The following GLG1 variants were observed in gnomAD, a reference collection of about 807,000 sequenced individuals.
GLG1 encodes Golgi apparatus protein 1.
GLG1 carries 38 observed loss-of-function variants against 160.5 expected under a neutral mutation model. That is an observed-to-expected ratio of 0.24 (90% CI 0.18 to 0.31). The LOEUF is 0.31. Among genes scored for constraint, GLG1 ranks in the 10% least tolerant of loss-of-function variants. The pLI, the probability that GLG1 is intolerant of heterozygous loss-of-function variation, is 1.00. For synonymous variants in GLG1, 644 were observed against 543.4 expected (o/e 1.19, Z -2.57); for missense variants, 1,373 against 1,505.2 (o/e 0.91, Z 1.45).
chr16:74,526,664 G>C lies in GLG1; in HGVS notation c.471+5457C>G, dbSNP rs375145936. ...ACTTGAGCCTGGGAGACTGAAGCTG[G>C]AGTGAGCCGTGATCACACAACTACA... is the stretch of plus-strand genomic sequence containing the variant. On this transcript the variant is annotated intron_variant, in intron 2 of 25. Transcript: ENST00000422840. 1.1e-3 allele frequency among the ~76,000 whole-genome samples: 171 copies of C among 152,316 alleles called. 3 individuals carry two copies. In the South Asian group the frequency reaches 0.034, roughly 30 times the overall value.
chr16:74,575,531 T>G (rs1366859852), intron 1 of GLG1, among the ~76,000 whole-genome samples: 1 of 152,124 alleles, frequency 6.6e-6, no homozygotes, highest in African/African-American at 2.4e-5. Context: ...ATATTAGAAC[T>G]CAACCAAACC....
chr16:74,572,009 G>A (rs971401531), intron 1 of GLG1, among the ~76,000 whole-genome samples: 1 of 152,046 alleles, frequency 6.6e-6, no homozygotes, highest in Non-Finnish European at 1.5e-5. Flanking sequence ...TCTTTTGCAT[G>A]CTACTGAATG....
intron 8 of GLG1, among the ~76,000 whole-genome samples, chr16:74,487,811 A>G (rs184674620): frequency 6.6e-6 from 1 of 152,192 alleles, no homozygotes. Context: ...TGCCCTCTAG[A>G]GCCTAGTGGG....
chr16:74,522,620 G>GTT (rs2017203977), intron 2 of GLG1, among the ~76,000 whole-genome samples: 1 of 151,954 alleles, frequency 6.6e-6, no homozygotes, highest in South Asian at 2.1e-4. Flanking sequence ...ACTGTCAGAC[G>GTT]TATGTATTAT....
intron 8 of GLG1, among the ~76,000 whole-genome samples, chr16:74,488,824 G>T (rs1007281081): frequency 4.6e-5 from 7 of 151,948 alleles, no homozygotes; most frequent in Admixed American, 3.3e-4. Flanking sequence ...TCACCATGTT[G>T]GCCAGGCTGG....
intron 2 of GLG1, among the ~76,000 whole-genome samples, chr16:74,525,111 T>C (rs2017293839): frequency 6.6e-6 from 1 of 152,228 alleles, no homozygotes; most frequent in African/African-American, 2.4e-5. Flanking sequence ...CTATGAACAC[T>C]TATGTACACA....
chr16:74,574,702 G>T (rs2143795110), intron 1 of GLG1, among the ~76,000 whole-genome samples: 1 of 151,280 alleles, frequency 6.6e-6, no homozygotes, highest in Non-Finnish European at 1.5e-5. Context: ...GGCCAACACG[G>T]TAAAATGCCA....
chr16:74,569,481 G>A (rs894570777), intron 1 of GLG1, among the ~76,000 whole-genome samples: 1 of 152,066 alleles, frequency 6.6e-6, no homozygotes, highest in African/African-American at 2.4e-5. Context: ...CATCCACCTC[G>A]TAAATACTGA....
intron 13 of GLG1, 97 bp downstream of exon 13, chr16:74,474,449 C>G (rs1228118833): frequency 1.4e-6 from 1 of 721,714 alleles, no homozygotes; most frequent in African/African-American, 1.8e-5. Flanking sequence ...GACAGAAAAT[C>G]TGCACTCTCA....
At chr16:74,602,974 A>G (rs1823748663) in intron 1 of GLG1, among the ~76,000 whole-genome samples, 1 of 151,260 alleles carries the variant, frequency 6.6e-6, no homozygotes, top group African/African-American at 2.4e-5. Flanking sequence ...CAGCCTGGCC[A>G]AGGTGATGAA....
At chr16:74,592,879 C>T (rs1043336452) in intron 1 of GLG1, among the ~76,000 whole-genome samples, 2 of 152,050 alleles carry the variant, frequency 1.3e-5, no homozygotes, top group South Asian at 2.1e-4. Flanking sequence ...AACTTAATCC[C>T]CAATACAAGT....
chr16:74,571,002 A>G (rs1269595847), intron 1 of GLG1, among the ~76,000 whole-genome samples: 1 of 151,520 alleles, frequency 6.6e-6, no homozygotes, highest in African/African-American at 2.4e-5. Flanking sequence ...TAACCTTTTG[A>G]ATCTGGGCAT....
chr16:74,504,822 G>T (rs934237438), intron 3 of GLG1, among the ~76,000 whole-genome samples: 20 of 152,202 alleles, frequency 1.3e-4, no homozygotes, highest in African/African-American at 3.4e-4. Flanking sequence ...GCATGGTGGT[G>T]TTCCTGCAAA....
chr16:74,495,174 C>T, intron 5 of GLG1, among the ~76,000 whole-genome samples: 1 of 143,542 alleles, frequency 7.0e-6, no homozygotes, highest in East Asian at 2.1e-4. Flanking sequence ...AGTGCAGTGG[C>T]ACAATCTTAG....
At chr16:74,562,509 G>T (rs769864002) in intron 1 of GLG1, among the ~76,000 whole-genome samples, 2 of 152,122 alleles carry the variant, frequency 1.3e-5, no homozygotes, top group South Asian at 4.1e-4. Context: ...GCCCAGGCTG[G>T]AGAGCAGTGG....
Position 74,463,375 on chromosome 16 carries a change from G to C in GLG1, c.2772C>G (p.Arg924=). 1 of 1,614,084 alleles carries C rather than the reference G, an allele frequency of 6.2e-7. No homozygotes were observed. The highest frequency in any genetic ancestry group is 8.5e-7 in the Non-Finnish European group (1 of 1,179,996). ...DPKCKQMITK[R]QITQNTDYRL... Reference sequence around the variant, plus strand: ...TCTTACCTGTGTTCTGGGTGATCTGGCGCTTGGTTATCATCTGTTTGCATT... The same window carrying C: ...TCTTACCTGTGTTCTGGGTGATCTGCCGCTTGGTTATCATCTGTTTGCATT... The change falls in exon 20 of 26, where the codon CGC becomes CGG. Residue 924 remains arginine, a synonymous_variant. Coordinates refer to ENST00000422840, the MANE Select transcript of GLG1 (RefSeq NM_001145667.2).
chr16:74,536,880 A>G (rs2017701600), intron 1 of GLG1, among the ~76,000 whole-genome samples: 1 of 152,162 alleles, frequency 6.6e-6, no homozygotes, highest in Non-Finnish European at 1.5e-5. Flanking sequence ...AACCAGGGGC[A>G]AAGTGCTGGC....
Position 74,491,017 on chromosome 16 carries a change from A to G in GLG1, c.1433T>C (p.Met478Thr), listed in dbSNP as rs1391720635. The G allele has an allele frequency of 6.2e-7, 1 of 1,613,668 alleles. No homozygotes were observed. Among genetic ancestry groups the G allele is most frequent in the Non-Finnish European group, 8.5e-7 (1 of 1,179,532 alleles). ...VVRGEKGNLGMNCQQALQTLI... is the reference protein window; with the variant it reads ...VVRGEKGNLGTNCQQALQTLI... Reference sequence around the variant, plus strand: ...TCTCCTTACCGCCTGCTGGCAGTTCATTCCAAGGTTCCCCTTCTCCCCTCG... The same window carrying G: ...TCTCCTTACCGCCTGCTGGCAGTTCGTTCCAAGGTTCCCCTTCTCCCCTCG... The change falls in exon 8 of 26, where the codon ATG (methionine) becomes ACG (threonine). Residue 478 changes from methionine (M) to threonine (T), a missense_variant. This residue lies in a region of GLG1 where 386 missense variants were observed against 388.5 expected (regional missense o/e 0.99). Transcript: ENST00000422840.
At chr16:74,493,792 T>C (rs149986679) in intron 6 of GLG1, among the ~76,000 whole-genome samples, 12 of 152,284 alleles carry the variant, frequency 7.9e-5, no homozygotes, top group African/African-American at 2.4e-4. Context: ...AGAAAGCACA[T>C]TGATTTGGTT....
Sources: gnomAD v4.1 joint callset for allele counts (sites outside exome capture counted in the v4.1 genomes callset) on GRCh38, gnomAD v4.1.1 for gene constraint, gnomAD v4.1.1 regional missense constraint, MANE v1.5 for transcripts, NCBI Gene and HGNC (gene_info 2026-07-23, HGNC 2026-07-21) for gene names.